Variants in PRH1 observed in about 807,000 individuals in gnomAD.
The protein encoded by PRH1 is proline rich protein HaeIII subfamily 1.
Under a neutral mutation model 7.9 loss-of-function variants are expected in PRH1, and 7 were observed. The observed-to-expected ratio is 0.89, with a 90% confidence interval of 0.50 to 1.67. The LOEUF is 1.67. Among genes scored for constraint, PRH1 ranks in the 40% most tolerant of loss-of-function variants. The pLI, the probability that PRH1 is intolerant of heterozygous loss-of-function variation, is 0.00. For synonymous variants in PRH1, 45 were observed against 80.8 expected (o/e 0.56, Z 2.38); for missense variants, 109 against 223.6 (o/e 0.49, Z 3.27).
intron 2 of PRH1, among the ~76,000 whole-genome samples, chr12:10,912,269 A>G (rs1949911366): frequency 6.6e-6 from 1 of 152,192 alleles, no homozygotes; most frequent in South Asian, 2.1e-4. Context: ...TATTGAGTAC[A>G]TGAGCATACA....
At chr12:11,030,413 G>A (rs781702749) in intron 1 of PRH1, 20 of 1,613,626 alleles carry the variant, frequency 1.2e-5, no homozygotes, top group Admixed American at 1.7e-5. Flanking sequence ...AATCTATGGA[G>A]ATGAAGGCTT....
upstream of PRH1, among the ~76,000 whole-genome samples, chr12:11,051,955 A>G (rs1339461278): frequency 6.6e-6 from 1 of 152,068 alleles, no homozygotes; most frequent in Non-Finnish European, 1.5e-5. Context: ...ATTCTTTCAC[A>G]TATCATTTGC....
At chr12:11,102,797 A>C (rs1188803342) in intron 1 of PRH1, among the ~76,000 whole-genome samples, 1 of 152,238 alleles carries the variant, frequency 6.6e-6, no homozygotes, top group African/African-American at 2.4e-5. Flanking sequence ...CCCATCTGAC[A>C]AAGGGCTAAT....
At position 11,020,363 on chromosome 12, in the gene PRH1, G is replaced by GATAGATATATATATATATAT. The variant is rs1941545034; in HGVS notation, c.-126+26656_-126+26657insATATATATATATATATCTAT. Among the ~76,000 whole-genome samples the GATAGATATATATATATATAT allele has an allele frequency of 2.3e-5, 2 of 87,584 alleles. 1 individual carries two copies. Among genetic ancestry groups the GATAGATATATATATATATAT allele is most frequent in the South Asian group, 1.3e-3 (2 of 1,556 alleles). 57.5% of individuals were successfully genotyped at this position (87,584 alleles called of 152,430 possible). A position where few individuals can be genotyped will look rare whatever the true frequency, so the allele number is the denominator to read the frequency against. On this transcript the variant is annotated intron_variant, in intron 1 of 3. Coordinates refer to the PRH1 transcript ENST00000539853. The stretch of plus-strand genomic sequence containing the variant: ...GTACTAGGGAGGACGTATGATAAGC[G>GATAGATATATATATATATAT]ATATATATATATATATATATATATA...
Position 10,943,242 on chromosome 12 carries a change from T to C in PRH1, c.-59+30413A>G, listed in dbSNP as rs541734229. Among the ~76,000 whole-genome samples the C allele has an allele frequency of 4.2e-4, 64 of 152,326 alleles. 1 individual carries two copies. The highest frequency in any genetic ancestry group is 1.5e-3 in the African/African-American group (61 of 41,572). On this transcript the variant is annotated intron_variant, in intron 2 of 3. Coordinates refer to the PRH1 transcript ENST00000539853. ...CTCCCATCCACCATGATGGAGCTGA[T>C]TGTTTTTCACATTTTAGTAATAGCC...
intron 1 of PRH1, among the ~76,000 whole-genome samples, chr12:11,122,522 G>A (rs1336495395): frequency 6.6e-6 from 1 of 152,262 alleles, no homozygotes; most frequent in Non-Finnish European, 1.5e-5. Flanking sequence ...AGGAATTCAG[G>A]ATACAAGGGA....
intron 1 of PRH1, among the ~76,000 whole-genome samples, chr12:11,066,570 A>T (rs75987490): frequency 0.29 from 15,657 of 53,320 alleles, 1,119 homozygotes; most frequent in East Asian, 0.42. Context: ...ATGGTCTTTT[A>T]AAAATTACTT....
At chr12:10,999,968 T>G (rs1940504247) in intron 1 of PRH1, among the ~76,000 whole-genome samples, 1 of 152,176 alleles carries the variant, frequency 6.6e-6, no homozygotes, top group Non-Finnish European at 1.5e-5. Flanking sequence ...TATCATTCAA[T>G]CATCCTTAGT....
At chr12:11,092,490 C>T (rs1407348409) in intron 1 of PRH1, among the ~76,000 whole-genome samples, 1 of 115,060 alleles carries the variant, frequency 8.7e-6, no homozygotes, top group Non-Finnish European at 2.1e-5. Context: ...AGCTTTTATT[C>T]CCTTATTTGT....
intron 2 of PRH1, among the ~76,000 whole-genome samples, chr12:10,896,136 C>T (rs1010586302): frequency 1.3e-5 from 2 of 152,168 alleles, no homozygotes; most frequent in Non-Finnish European, 2.9e-5. Flanking sequence ...ACTATTGACT[C>T]TGGTTGTATT....
At chr12:10,959,799 A>T (rs1490315742) in intron 2 of PRH1, among the ~76,000 whole-genome samples, 6 of 152,178 alleles carry the variant, frequency 3.9e-5, no homozygotes, top group African/African-American at 1.4e-4. Flanking sequence ...TGGCTACATT[A>T]TCAGTAAGGA....
At chr12:11,090,275 A>G (rs1418270818) in intron 1 of PRH1, among the ~76,000 whole-genome samples, 1 of 115,708 alleles carries the variant, frequency 8.6e-6, no homozygotes, top group Non-Finnish European at 2.0e-5. Context: ...TGACTGAAAT[A>G]TTTTCCACAA....
chr12:11,081,075 T>C lies in PRH1; in HGVS notation n.124-33887A>G, dbSNP rs1256210828. Among the ~76,000 whole-genome samples the C allele has an allele frequency of 4.4e-5, 5 of 112,466 alleles. 1 individual carries two copies. Among genetic ancestry groups the C allele is most frequent in the African/African-American group, 1.5e-4 (5 of 33,726 alleles). The allele number at this position is 112,466 out of a possible 152,430, so 73.8% of individuals were successfully genotyped here. On this transcript the variant is annotated intron_variant and non_coding_transcript_variant, in intron 1 of 4. Coordinates refer to the PRH1 transcript ENST00000541977. The stretch of plus-strand genomic sequence containing the variant: ...CACTTTTGGAAAACTCCTTGCAACA[T>C]TTTGTTGCTCTATTTTCTCCCCTCT...
chr12:11,079,236 T>C (rs1192615043), intron 1 of PRH1: 2 of 116,358 alleles, frequency 1.7e-5, no homozygotes, highest in East Asian at 2.1e-4. Flanking sequence ...ACCTTGACCA[T>C]TGACTCTGAA....
At position 11,090,881 on chromosome 12, in the gene PRH1, A is replaced by G. The variant is rs1179551210; in HGVS notation, n.124-43693T>C. ...ATATTCCTGTGGTTCAAATAACAAT[A>G]GAAAAGAGCAATATTTTTCCGGGGA... On this transcript the variant is annotated intron_variant and non_coding_transcript_variant, in intron 1 of 4. Coordinates refer to the PRH1 transcript ENST00000541977. Among the ~76,000 whole-genome samples the G allele has an allele frequency of 1.4e-4, 16 of 112,976 alleles. 4 individuals carry two copies. The highest frequency in any genetic ancestry group is 4.7e-4 in the African/African-American group (16 of 34,116). 74.1% of individuals were successfully genotyped at this position (112,976 alleles called of 152,430 possible).
At chr12:10,950,671 T>C (rs1700082654) in intron 2 of PRH1, among the ~76,000 whole-genome samples, 1 of 152,006 alleles carries the variant, frequency 6.6e-6, no homozygotes, top group South Asian at 2.1e-4. Flanking sequence ...CAATCAAACA[T>C]TATGTCAAAT....
rs184836334 is a variant in PRH1 at position 11,100,091 on chromosome 12, G to T, written n.124-52903C>A. 4.0e-3 allele frequency among the ~76,000 whole-genome samples: 607 copies of T among 152,132 alleles called. 5 individuals carry two copies. The highest frequency in any genetic ancestry group is 0.013 in the African/African-American group (547 of 41,512). The stretch of plus-strand genomic sequence containing the variant: ...TTCCCTTCAGTATATAATCAGATGA[G>T]TAATAATAATTTCTATGAGACATTT... On this transcript the variant is annotated intron_variant and non_coding_transcript_variant, in intron 1 of 4. Coordinates refer to the PRH1 transcript ENST00000541977.
chr12:10,945,552 T>C (rs1191534051), intron 2 of PRH1, among the ~76,000 whole-genome samples: 1 of 151,990 alleles, frequency 6.6e-6, no homozygotes. Context: ...GGTAATAAAA[T>C]ATCAAAAGGC....
chr12:11,149,096 G>C (rs1034713710), intron 1 of PRH1, among the ~76,000 whole-genome samples: 6 of 151,736 alleles, frequency 4.0e-5, no homozygotes, highest in Admixed American at 6.6e-5. Context: ...AGTATTCTCT[G>C]ATGGTAGTTT....
Sources: gnomAD v4.1 joint callset for allele counts (sites outside exome capture counted in the v4.1 genomes callset) on GRCh38, gnomAD v4.1.1 for gene constraint, MANE v1.5 for transcripts, NCBI Gene and HGNC (gene_info 2026-07-23, HGNC 2026-07-21) for gene names.